FGGY: variants seen among roughly 807,000 people sequenced by gnomAD.
FGGY encodes the protein FGGY carbohydrate kinase domain-containing protein.
In FGGY, 72 loss-of-function variants were observed where a neutral mutation model predicts 71.3. That is an observed-to-expected ratio of 1.01 (90% CI 0.84 to 1.23). The LOEUF (loss-of-function observed/expected upper bound fraction) is 1.23, where lower values mean the gene tolerates loss of function less well. Ranked by LOEUF, FGGY falls within the 50% of genes most tolerant of loss-of-function variation. The probability of loss-of-function intolerance (pLI) is 0.00; values close to 1 mark genes in which losing one functional copy is unlikely to be tolerated. For synonymous variants in FGGY, 251 were observed against 250.3 expected (o/e 1.00, Z -0.02); for missense variants, 668 against 682.3 (o/e 0.98, Z 0.23).
intron 4 of FGGY, among the ~76,000 whole-genome samples, chr1:59,349,252 C>T (rs753943387): frequency 3.9e-5 from 6 of 152,160 alleles, no homozygotes; most frequent in Admixed American, 1.3e-4. Context: ...TGGCTCTTGG[C>T]GTAGGACCAG....
chr1:59,542,577 G>A (rs937226772), intron 7 of FGGY, among the ~76,000 whole-genome samples: 2 of 145,344 alleles, frequency 1.4e-5, no homozygotes, highest in Non-Finnish European at 3.0e-5. Flanking sequence ...CTGTCTCAGC[G>A]TCCCGAGTAC....
chr1:59,686,364 G>A (rs2097544220), intron 14 of FGGY, among the ~76,000 whole-genome samples: 1 of 152,152 alleles, frequency 6.6e-6, no homozygotes, highest in South Asian at 2.1e-4. Flanking sequence ...CAATCGAGAA[G>A]GGCAACAGAT....
intron 9 of FGGY, among the ~76,000 whole-genome samples, chr1:59,624,460 G>A (rs1193895651): frequency 6.6e-6 from 1 of 152,086 alleles, no homozygotes; most frequent in Non-Finnish European, 1.5e-5. Context: ...CTGATGTATG[G>A]GAAATGAGTC....
chr1:59,299,564 A>G (rs1215235553), intron 1 of FGGY, among the ~76,000 whole-genome samples: 1 of 152,202 alleles, frequency 6.6e-6, no homozygotes, highest in Non-Finnish European at 1.5e-5. Flanking sequence ...GGAATGTTAT[A>G]AAGGTTCAGT....
intron 6 of FGGY, among the ~76,000 whole-genome samples, chr1:59,493,708 A>G (rs185913311): frequency 9.8e-5 from 15 of 152,292 alleles, no homozygotes. Flanking sequence ...TGTTCTAGAA[A>G]TGGGTGGTTG....
At position 59,307,468 on chromosome 1, in the gene FGGY, G is replaced by A. The variant is rs574713495; in HGVS notation, c.-15+10318G>A. On this transcript the variant is annotated intron_variant, in intron 1 of 15. Transcript: ENST00000303721. ...TAAAAAATTGTCATGTGACATAGTA[G>A]AAAGAACATAGGATTGAAATCCTTC... Among the ~76,000 whole-genome samples the A allele has an allele frequency of 2.0e-5, 3 of 152,230 alleles. No individual in the cohort carries two copies. In the East Asian group the frequency reaches 5.8e-4, roughly 29 times the overall value.
Position 59,466,707 on chromosome 1 carries a change from A to T in FGGY, c.670+9631A>T, listed in dbSNP as rs2092653012. Among the ~76,000 whole-genome samples, 5 of 152,228 alleles carry T rather than the reference A, an allele frequency of 3.3e-5. No homozygotes were observed. In the South Asian group the frequency reaches 1.0e-3, roughly 31 times the overall value. ...AAAAGTGGGCAACGGATATGAACAG[A>T]CACTTCTCAAAAGAAGACATTTATG... On this transcript the variant is annotated intron_variant, in intron 6 of 15. Coordinates refer to ENST00000303721, the MANE Select transcript of FGGY (RefSeq NM_018291.5).
At chr1:59,474,484 G>A (rs1187851038) in intron 6 of FGGY, among the ~76,000 whole-genome samples, 3 of 152,180 alleles carry the variant, frequency 2.0e-5, no homozygotes, top group Non-Finnish European at 4.4e-5. Context: ...CTGACTCTTA[G>A]TCCTGTGGTG....
intron 14 of FGGY, chr1:59,697,787 C>A: frequency 1.0e-6 from 1 of 975,034 alleles, no homozygotes; most frequent in South Asian, 1.6e-5. Context: ...TGCCCCTCCA[C>A]ATCACCCCCT....
chr1:59,396,229 GCTTTT>G (rs1393658552), intron 5 of FGGY, among the ~76,000 whole-genome samples: 3 of 152,070 alleles, frequency 2.0e-5, no homozygotes, highest in African/African-American at 7.2e-5. Context: ...CCTGATTTTT[GCTTTT>G]CTTAAGAAGT....
chr1:59,538,797 A>G (rs949865598), intron 7 of FGGY, among the ~76,000 whole-genome samples: 6 of 141,640 alleles, frequency 4.2e-5, no homozygotes, highest in Non-Finnish European at 9.0e-5. Context: ...TTGAACAATG[A>G]GAACACATGG....
intron 7 of FGGY, among the ~76,000 whole-genome samples, chr1:59,543,098 G>T (rs2095469823): frequency 6.6e-6 from 1 of 152,166 alleles, no homozygotes; most frequent in Non-Finnish European, 1.5e-5. Flanking sequence ...GAGATTTTCT[G>T]AATTCATTTT....
intron 11 of FGGY, among the ~76,000 whole-genome samples, chr1:59,643,853 C>T (rs571748929): frequency 1.6e-4 from 24 of 152,282 alleles, no homozygotes; most frequent in African/African-American, 5.8e-4. Context: ...TTATTTCAAT[C>T]ACTGTTTGCC....
At chr1:59,479,687 A>C (rs2093399993) in intron 6 of FGGY, among the ~76,000 whole-genome samples, 1 of 152,154 alleles carries the variant, frequency 6.6e-6, no homozygotes, top group Non-Finnish European at 1.5e-5. Context: ...ATCTGTAAAA[A>C]ATGGAAAAGG....
chr1:59,564,254 A>G (rs1472084014), intron 8 of FGGY, among the ~76,000 whole-genome samples: 1 of 152,216 alleles, frequency 6.6e-6, no homozygotes, highest in Admixed American at 6.5e-5. Context: ...TGAACGGGCA[A>G]CCTACAAATT....
intron 14 of FGGY, among the ~76,000 whole-genome samples, chr1:59,689,082 C>T (rs1320312803): frequency 6.6e-6 from 1 of 152,018 alleles, no homozygotes; most frequent in African/African-American, 2.4e-5. Flanking sequence ...GGGAGAAAGG[C>T]CAGGTACCCT....
chr1:59,310,246 G>C (rs905172994), intron 1 of FGGY: 2 of 152,146 alleles, frequency 1.3e-5, no homozygotes, highest in Non-Finnish European at 2.9e-5. Context: ...CGGCCAATAT[G>C]CTGATGATAA....
At chr1:59,473,199 A>G (rs1334309886) in intron 6 of FGGY, among the ~76,000 whole-genome samples, 4 of 152,126 alleles carry the variant, frequency 2.6e-5, no homozygotes, top group Non-Finnish European at 4.4e-5. Flanking sequence ...ACTCACTGCA[A>G]AGGTCTGCAG....
At chr1:59,759,612 A>C (rs2098325539) in intron 15 of FGGY, among the ~76,000 whole-genome samples, 1 of 152,198 alleles carries the variant, frequency 6.6e-6, no homozygotes, top group South Asian at 2.1e-4. Context: ...TCTGCGAAGG[A>C]GGCGGCACAC....
Sources: allele counts gnomAD v4.1 joint callset (sites outside exome capture counted in the v4.1 genomes callset), GRCh38; gene constraint gnomAD v4.1.1; transcripts MANE v1.5; gene names NCBI Gene and HGNC (gene_info 2026-07-23, HGNC 2026-07-21).